The following TNNI3K variants were observed in gnomAD, a reference collection of about 807,000 sequenced individuals.
TNNI3K encodes TNNI3 interacting kinase.
Under a neutral mutation model 114.5 loss-of-function variants are expected in TNNI3K, and 140 were observed. The observed-to-expected ratio is 1.22, with a 90% CI of 1.07 to 1.41. The LOEUF (loss-of-function observed/expected upper bound fraction) is 1.41, where lower values mean the gene tolerates loss of function less well. Ranked by LOEUF, TNNI3K falls within the 40% of genes most tolerant of loss-of-function variation. TNNI3K has a pLI of 0.00. For missense variants in TNNI3K, 1,125 were observed against 1,007.6 expected, an observed-to-expected ratio of 1.12 and a Z score of -1.58; for synonymous variants, 347 against 347.5, an observed-to-expected ratio of 1.00 and a Z score of 0.02.
At chr1:74,366,200 A>C (rs766287791) in intron 11 of TNNI3K, among the ~76,000 whole-genome samples, 1 of 152,054 alleles carries the variant, frequency 6.6e-6, no homozygotes, top group Non-Finnish European at 1.5e-5. Flanking sequence ...TCAATTCCTT[A>C]AATTTACCAG....
intron 4 of TNNI3K, among the ~76,000 whole-genome samples, chr1:74,259,675 A>AG (rs1414771673): frequency 6.6e-6 from 1 of 152,198 alleles, no homozygotes; most frequent in Admixed American, 6.5e-5. Context: ...TGGGAGGCTA[A>AG]GGTGGGAGAA....
chr1:74,357,897 G>T (rs578194538), intron 11 of TNNI3K, among the ~76,000 whole-genome samples: 6 of 152,022 alleles, frequency 3.9e-5, no homozygotes, highest in African/African-American at 1.2e-4. Context: ...AATTTAAATT[G>T]GTCAGAAGAA....
intron 17 of TNNI3K, among the ~76,000 whole-genome samples, chr1:74,377,599 G>A (rs1351172856): frequency 6.6e-6 from 1 of 151,910 alleles, no homozygotes; most frequent in African/African-American, 2.4e-5. Context: ...ATAAAGAGAA[G>A]GATTCATATA....
chr1:74,489,707 A>G (rs1668953836), intron 22 of TNNI3K, among the ~76,000 whole-genome samples: 1 of 152,176 alleles, frequency 6.6e-6, no homozygotes, highest in African/African-American at 2.4e-5. Context: ...ATGTTGCTTA[A>G]TGTGATATAT....
intron 17 of TNNI3K, among the ~76,000 whole-genome samples, chr1:74,433,850 G>C (rs940641787): frequency 6.6e-6 from 1 of 152,022 alleles, no homozygotes; most frequent in Non-Finnish European, 1.5e-5. Context: ...CAGGTTTTCT[G>C]GTTATATGGC....
At chr1:74,507,361 C>T (rs1160224639) in intron 23 of TNNI3K, among the ~76,000 whole-genome samples, 1 of 151,968 alleles carries the variant, frequency 6.6e-6, no homozygotes, top group Non-Finnish European at 1.5e-5. Flanking sequence ...TTACTATATT[C>T]TGTACAGATC....
intron 4 of TNNI3K, among the ~76,000 whole-genome samples, chr1:74,258,154 C>T (rs1570382683): frequency 6.6e-6 from 1 of 152,154 alleles, no homozygotes; most frequent in Non-Finnish European, 1.5e-5. Flanking sequence ...CCACCATTCA[C>T]CTTTTAGCAA....
In TNNI3K at chr1:74,342,824, C is replaced by T; in HGVS notation, c.683-18C>T. On this transcript the variant is annotated intron_variant, in intron 7 of 24. Coordinates refer to ENST00000326637, the MANE Select transcript of TNNI3K (RefSeq NM_015978.3). Reference sequence around the variant, plus strand: ...ACAATTCTAGATAACATATCTTTTTCTTTCTTGCTGATAACAGTGAATGCT... The same window carrying T: ...ACAATTCTAGATAACATATCTTTTTTTTTCTTGCTGATAACAGTGAATGCT... 6.2e-7 allele frequency: 1 copy of T among 1,612,196 alleles called. No individual in the cohort carries two copies. The highest frequency in any genetic ancestry group is 8.5e-7 in the Non-Finnish European group (1 of 1,179,460).
intron 23 of TNNI3K, among the ~76,000 whole-genome samples, chr1:74,495,380 G>C (rs944644991): frequency 2.0e-5 from 3 of 152,176 alleles, no homozygotes; most frequent in Non-Finnish European, 4.4e-5. Flanking sequence ...TGTATCCTTA[G>C]TATCTATCTA....
At chr1:74,525,933 A>G (rs1194264271) in intron 23 of TNNI3K, among the ~76,000 whole-genome samples, 1 of 152,204 alleles carries the variant, frequency 6.6e-6, no homozygotes, top group Non-Finnish European at 1.5e-5. Context: ...CAGCTACATA[A>G]TATCATTTTG....
At chr1:74,436,305 C>T (rs538708996) in intron 18 of TNNI3K, among the ~76,000 whole-genome samples, 169 bp from the exon 19 acceptor site, 1 of 152,016 alleles carries the variant, frequency 6.6e-6, no homozygotes, top group South Asian at 2.1e-4. Flanking sequence ...CATTTTGAAA[C>T]TCTGTCATTT....
intron 21 of TNNI3K, chr1:74,470,327 G>A (rs1305025767): frequency 2.5e-6 from 1 of 400,468 alleles, no homozygotes; most frequent in Non-Finnish European, 4.4e-6. Flanking sequence ...TGTGAGATCT[G>A]AGTTAACATA....
chr1:74,282,263 T>C (rs1298117940), intron 5 of TNNI3K, among the ~76,000 whole-genome samples: 2 of 151,854 alleles, frequency 1.3e-5, no homozygotes, highest in Non-Finnish European at 2.9e-5. Context: ...CCATGGCCCA[T>C]CTGCTACTTA....
intron 11 of TNNI3K, among the ~76,000 whole-genome samples, chr1:74,355,253 A>G (rs1661591255): frequency 6.6e-6 from 1 of 152,210 alleles, no homozygotes; most frequent in Non-Finnish European, 1.5e-5. Flanking sequence ...TGAAAATAAC[A>G]ATTATTAAGC....
At chr1:74,237,880 C>G (rs529756326) in intron 2 of TNNI3K, among the ~76,000 whole-genome samples, 1 of 151,776 alleles carries the variant, frequency 6.6e-6, no homozygotes, top group African/African-American at 2.4e-5. Flanking sequence ...TCATGTGTGC[C>G]GAATAATATT....
At chr1:74,381,030 A>G (rs2100548235) in intron 17 of TNNI3K, among the ~76,000 whole-genome samples, 1 of 152,304 alleles carries the variant, frequency 6.6e-6, no homozygotes, top group Admixed American at 6.5e-5. Flanking sequence ...GCCTTGAAAA[A>G]GAGATACAGA....
At chr1:74,402,130 A>G (rs1664394927) in intron 17 of TNNI3K, among the ~76,000 whole-genome samples, 8 of 152,182 alleles carry the variant, frequency 5.3e-5, no homozygotes, top group Admixed American at 5.2e-4. Context: ...AAGTGTAGAC[A>G]GACAAAAACA....
At chr1:74,299,504 C>T (rs1256036695) in intron 5 of TNNI3K, among the ~76,000 whole-genome samples, 2 of 152,078 alleles carry the variant, frequency 1.3e-5, no homozygotes, top group African/African-American at 2.4e-5. Flanking sequence ...GATGAAGCCA[C>T]CTATCTTTGA....
At chr1:74,534,862 T>C (rs1355136506) in intron 23 of TNNI3K, among the ~76,000 whole-genome samples, 2 of 152,178 alleles carry the variant, frequency 1.3e-5, no homozygotes, top group African/African-American at 4.8e-5. Flanking sequence ...TGCTTCATCT[T>C]AAATGGAAAT....
Sources: gnomAD v4.1 joint callset for allele counts (sites outside exome capture counted in the v4.1 genomes callset) on GRCh38, gnomAD v4.1.1 for gene constraint, MANE v1.5 for transcripts, NCBI Gene and HGNC (gene_info 2026-07-23, HGNC 2026-07-21) for gene names.